Variants in SLC24A4 observed in about 807,000 individuals in gnomAD.
SLC24A4 encodes the protein sodium/potassium/calcium exchanger 4.
A neutral mutation model predicts 79.0 loss-of-function variants in SLC24A4; 53 were observed. The ratio of observed to expected loss-of-function variants is 0.67; its 90% CI spans 0.54 to 0.84. The LOEUF (loss-of-function observed/expected upper bound fraction) is 0.84. SLC24A4 is among the 40% of genes least tolerant of loss of function. The pLI, the probability that SLC24A4 is intolerant of heterozygous loss-of-function variation, is 0.00. For synonymous variants in SLC24A4, 323 were observed against 323.8 expected, an observed-to-expected ratio of 1.00 and a Z score of 0.03; for missense variants, 731 against 822.0, an observed-to-expected ratio of 0.89 and a Z score of 1.35.
chr14:92,467,395 G>A (rs1894183070), intron 12 of SLC24A4, among the ~76,000 whole-genome samples: 1 of 152,142 alleles, frequency 6.6e-6, no homozygotes, highest in Non-Finnish European at 1.5e-5. Context: ...GGAATAGAAG[G>A]AAACTTCATC....
At chr14:92,493,406 G>A (rs888102912) in intron 16 of SLC24A4, 70 bp from the exon 17 acceptor site, 63 of 1,572,130 alleles carry the variant, frequency 4.0e-5, no homozygotes, top group South Asian at 3.5e-4. Flanking sequence ...CATAGGTGTC[G>A]CTTTCCAGTA....
intron 2 of SLC24A4, among the ~76,000 whole-genome samples, chr14:92,407,122 C>G (rs1890431986): frequency 6.6e-6 from 1 of 152,170 alleles, no homozygotes; most frequent in Non-Finnish European, 1.5e-5. Context: ...ATCTCAAGTT[C>G]AAAATTCCAC....
chr14:92,427,389 T>G (rs755859066), intron 2 of SLC24A4, among the ~76,000 whole-genome samples: 7 of 152,234 alleles, frequency 4.6e-5, no homozygotes, highest in Non-Finnish European at 8.8e-5. Context: ...TGAGTGAGGC[T>G]GGAAGGGTTG....
rs147367945 is a variant in SLC24A4, at chr14:92,348,325, A to T, written c.241+22347A>T. ...ACATTGACACAGTAGTATTTTTATCATGACAGTTGTTCTAAGTCAGAGGTC... is the reference window on the plus strand; with the variant it reads ...ACATTGACACAGTAGTATTTTTATCTTGACAGTTGTTCTAAGTCAGAGGTC... On this transcript the variant is annotated intron_variant, in intron 2 of 16. Transcript: ENST00000532405. Among the ~76,000 whole-genome samples, 56 of 152,342 alleles carry T rather than the reference A, an allele frequency of 3.7e-4. 1 individual carries two copies. The Middle Eastern group carries it at 0.017, about 46-fold the overall frequency.
rs1417127449 is a variant in SLC24A4, at chr14:92,490,810, G to C, written c.1538-855G>C. 6.6e-6 allele frequency among the ~76,000 whole-genome samples: 1 copy of C among 152,216 alleles called. No homozygotes were observed. Among genetic ancestry groups the C allele is most frequent in the African/African-American group, 2.4e-5 (1 of 41,452 alleles). On this transcript the variant is annotated intron_variant, in intron 14 of 16. Transcript: ENST00000532405. The surrounding 1 kb of genome is among the most constrained non-coding windows in gnomAD (Gnocchi z 4.3). ...ATGAAGGGCCCGCATGCATCTGCTAGGCTTCGTTCCCACAAACGGGGTGCC... is the reference window on the plus strand; with the variant it reads ...ATGAAGGGCCCGCATGCATCTGCTACGCTTCGTTCCCACAAACGGGGTGCC...
At position 92,464,707 on chromosome 14, in the gene SLC24A4, C is replaced by T. The variant is rs149260844; in HGVS notation, c.1255+8099C>T. On this transcript the variant is annotated intron_variant, in intron 12 of 16. Coordinates refer to ENST00000532405, the MANE Select transcript of SLC24A4 (RefSeq NM_153646.4). ...AACTTCTGGGAGATGTCACCGTTAG[C>T]TTTCCAGCCTCTGCAGATACACTGG... Among the ~76,000 whole-genome samples the T allele has an allele frequency of 2.3e-4, 35 of 152,300 alleles. No individual in the cohort carries two copies. The East Asian group carries it at 6.7e-3, about 29-fold the overall frequency.
intron 2 of SLC24A4, among the ~76,000 whole-genome samples, chr14:92,352,940 T>C (rs1275953860): frequency 6.6e-6 from 1 of 152,220 alleles, no homozygotes; most frequent in Non-Finnish European, 1.5e-5. Flanking sequence ...CATTCTGCTT[T>C]TCAGAAGATG....
intron 3 of SLC24A4, among the ~76,000 whole-genome samples, chr14:92,436,655 A>T (rs1321896041): frequency 6.6e-6 from 1 of 152,212 alleles, no homozygotes; most frequent in Non-Finnish European, 1.5e-5. Context: ...TTTAGAGCAC[A>T]AAAAGAACCT....
In SLC24A4 at chr14:92,449,065, C is replaced by T. The variant is rs551501781; in HGVS notation, c.738-9C>T. ...ATTGCCCTGACCTCCTGCCTCCCCT[C>T]GCTTCCAGGTACAATGTGAAGATGC... On this transcript the variant is annotated splice_polypyrimidine_tract_variant and intron_variant, in intron 9 of 16. Transcript: ENST00000532405. The T allele has an allele frequency of 1.4e-5, 23 of 1,613,950 alleles. No homozygotes were observed. Among genetic ancestry groups the T allele is most frequent in the East Asian group, 4.5e-5 (2 of 44,868 alleles).
chr14:92,459,631 T>A (rs1320919600), intron 12 of SLC24A4, among the ~76,000 whole-genome samples: 1 of 152,156 alleles, frequency 6.6e-6, no homozygotes, highest in East Asian at 1.9e-4. Context: ...CCTTTGTGCG[T>A]CTGCGGATGT....
chr14:92,390,451 C>T (rs745691179), intron 2 of SLC24A4, among the ~76,000 whole-genome samples: 1 of 152,166 alleles, frequency 6.6e-6, no homozygotes, highest in Non-Finnish European at 1.5e-5. Context: ...AACCCCTCCC[C>T]TAGTTAAAGC....
At chr14:92,329,694 G>A (rs4900115) in intron 2 of SLC24A4, among the ~76,000 whole-genome samples, 124,050 of 152,198 alleles carry the variant, frequency 0.82, 52,106 homozygotes, top group East Asian at 0.96. Context: ...TTCTGTAGAG[G>A]CAGGGTTTTG....
intron 2 of SLC24A4, among the ~76,000 whole-genome samples, chr14:92,375,163 C>T (rs1405626271): frequency 1.3e-5 from 2 of 152,220 alleles, no homozygotes; most frequent in Admixed American, 6.5e-5. Context: ...TATAGTTCAA[C>T]CCTTTACTCC....
At chr14:92,325,845 C>A in intron 1 of SLC24A4, 23 bp from the exon 2 acceptor site, 1 of 1,473,836 alleles carries the variant, frequency 6.8e-7, no homozygotes, top group Non-Finnish European at 9.4e-7. Flanking sequence ...CTAATGGTAT[C>A]TGTGACTTAT....
intron 12 of SLC24A4, among the ~76,000 whole-genome samples, chr14:92,477,891 TCATTCCATTC>T (rs753693716): frequency 6.6e-6 from 1 of 151,532 alleles, no homozygotes; most frequent in African/African-American, 2.4e-5. Context: ...CAAGTGATCC[TCATTCCATTC>T]CATTCCATTC....
intron 2 of SLC24A4, among the ~76,000 whole-genome samples, chr14:92,337,006 A>G (rs930250884): frequency 6.6e-6 from 1 of 152,152 alleles, no homozygotes; most frequent in Non-Finnish European, 1.5e-5. Flanking sequence ...TAAGATTACC[A>G]GGTACAATAG....
intron 2 of SLC24A4, among the ~76,000 whole-genome samples, chr14:92,351,484 A>G (rs981619187): frequency 6.6e-6 from 1 of 152,234 alleles, no homozygotes; most frequent in African/African-American, 2.4e-5. Flanking sequence ...AAATATTTCT[A>G]AACTTTCTTC....
intron 2 of SLC24A4, among the ~76,000 whole-genome samples, chr14:92,344,346 A>G (rs1157012085): frequency 6.6e-6 from 1 of 152,236 alleles, no homozygotes; most frequent in Non-Finnish European, 1.5e-5. Context: ...ATGAGAAACA[A>G]TGTGTGTTAT....
At chr14:92,473,342 C>T (rs80009108) in intron 12 of SLC24A4, among the ~76,000 whole-genome samples, 159 of 152,308 alleles carry the variant, frequency 1.0e-3, no homozygotes, top group African/African-American at 3.7e-3. Context: ...GGTTTAGTCT[C>T]AGTCTCTCAT....
Sources: gnomAD v4.1 joint callset for allele counts (sites outside exome capture counted in the v4.1 genomes callset) on GRCh38, gnomAD v4.1.1 for gene constraint, Gnocchi (gnomAD v3.1) non-coding constraint, MANE v1.5 for transcripts, NCBI Gene and HGNC (gene_info 2026-07-23, HGNC 2026-07-21) for gene names.